RBFOX2: variants seen among roughly 807,000 people sequenced by gnomAD.
RBFOX2 encodes RNA binding fox-1 homolog 2, also known as RNA binding protein fox-1 homolog 2.
A neutral mutation model predicts 49.1 loss-of-function variants in RBFOX2; 10 were observed. The ratio of observed to expected loss-of-function variants is 0.20; its 90% CI spans 0.13 to 0.35. The LOEUF (loss-of-function observed/expected upper bound fraction) is 0.35. RBFOX2 is among the 10% of genes least tolerant of loss of function. RBFOX2 has a pLI of 1.00. For missense variants in RBFOX2, 323 were observed against 486.9 expected (o/e 0.66, Z 3.17); for synonymous variants, 183 against 187.4 (o/e 0.98, Z 0.19).
intron 1 of RBFOX2, among the ~76,000 whole-genome samples, chr22:36,014,760 G>C (rs959903885): frequency 6.6e-6 from 1 of 152,080 alleles, no homozygotes; most frequent in Non-Finnish European, 1.5e-5. Flanking sequence ...AGAAAATTGC[G>C]CATGCACACA....
exon 2 of RBFOX2, chr22:35,809,993 C>T (rs1482682814): frequency 2.5e-6 from 4 of 1,613,952 alleles, no homozygotes; most frequent in Non-Finnish European, 3.4e-6. Context: ...TTGTTGTCGG[C>T]TCCTGGTTAC....
intron 1 of RBFOX2, among the ~76,000 whole-genome samples, chr22:36,026,547 C>T (rs867866714): frequency 0.02 from 2,956 of 150,322 alleles, 92 homozygotes; most frequent in African/African-American, 0.066. Context: ...TACATACACA[C>T]ACACACACAC....
intron 4 of RBFOX2, among the ~76,000 whole-genome samples, chr22:35,772,933 T>C (rs549219136): frequency 7.9e-5 from 12 of 151,746 alleles, no homozygotes; most frequent in Non-Finnish European, 1.5e-4. Context: ...AAATTTACCA[T>C]GTAACTTTTA....
intron 8 of RBFOX2, among the ~76,000 whole-genome samples, chr22:35,760,251 A>G (rs1938308252): frequency 2.0e-5 from 3 of 152,220 alleles, no homozygotes; most frequent in Admixed American, 6.5e-5. Context: ...CTCATTCATC[A>G]CAAATCTTGA....
intron 1 of RBFOX2, among the ~76,000 whole-genome samples, chr22:35,875,006 C>T (rs2044839493): frequency 6.6e-6 from 1 of 152,174 alleles, no homozygotes; most frequent in South Asian, 2.1e-4. Flanking sequence ...GCTTGCTCCC[C>T]TCCCCACTCC....
chr22:35,742,314 C>T (rs1385439544), exon 12 of RBFOX2: 2 of 152,350 alleles, frequency 1.3e-5, no homozygotes, highest in South Asian at 2.1e-4. Context: ...AGTTACGAGG[C>T]GAGACAGGAT....
intron 1 of RBFOX2, among the ~76,000 whole-genome samples, chr22:35,967,320 A>C (rs2056619404): frequency 6.6e-6 from 1 of 151,468 alleles, no homozygotes; most frequent in Non-Finnish European, 1.5e-5. Flanking sequence ...TAATCCTAGC[A>C]CTTCAGGAGG....
upstream of RBFOX2, among the ~76,000 whole-genome samples, chr22:35,966,480 C>T (rs1241431301): frequency 1.3e-5 from 2 of 152,188 alleles, no homozygotes; most frequent in Admixed American, 1.3e-4. Flanking sequence ...AGATGCTGAA[C>T]GTCCTCACTA....
intron 1 of RBFOX2, among the ~76,000 whole-genome samples, chr22:35,913,560 G>GTA (rs372656039): frequency 0.071 from 10,399 of 147,100 alleles, 365 homozygotes; most frequent in South Asian, 0.086. Flanking sequence ...GTGTGTGTGT[G>GTA]TATATATATA....
chr22:35,980,274 ATATGAG>A (rs909891843), intron 1 of RBFOX2, among the ~76,000 whole-genome samples: 40 of 152,310 alleles, frequency 2.6e-4, no homozygotes, highest in African/African-American at 8.4e-4. Flanking sequence ...GGGGGAATCT[ATATGAG>A]TATATTTGGG....
At chr22:35,892,782 A>G (rs2047399826) in intron 1 of RBFOX2, among the ~76,000 whole-genome samples, 1 of 152,216 alleles carries the variant, frequency 6.6e-6, no homozygotes, top group Non-Finnish European at 1.5e-5. Context: ...ATGGAATTTC[A>G]GAATCAGAAG....
At chr22:36,028,179 C>T in intron 1 of RBFOX2, 61 bp downstream of exon 1, 2 of 1,395,664 alleles carry the variant, frequency 1.4e-6, no homozygotes. Context: ...AGCCGGGGAG[C>T]CCGGTGTCGA....
At chr22:35,900,634 C>A (rs1279853875) in intron 1 of RBFOX2, among the ~76,000 whole-genome samples, 1 of 149,140 alleles carries the variant, frequency 6.7e-6, no homozygotes, top group Admixed American at 6.7e-5. Flanking sequence ...GCTCTTTTTC[C>A]CTCACTTCCT....
intron 1 of RBFOX2, among the ~76,000 whole-genome samples, chr22:35,822,319 G>C (rs1280733710): frequency 1.3e-5 from 2 of 152,162 alleles, no homozygotes; most frequent in Non-Finnish European, 2.9e-5. Context: ...CTAATTGTTT[G>C]CTCTTCATTA....
chr22:35,784,717 G>GCA lies in RBFOX2; in HGVS notation c.253-2973_253-2972dup, dbSNP rs896824247. 3.3e-5 allele frequency among the ~76,000 whole-genome samples: 5 copies of GCA among 152,370 alleles called. No individual in the cohort carries two copies. The East Asian group carries it at 9.7e-4, about 29-fold the overall frequency. The stretch of plus-strand genomic sequence containing the variant: ...AGTCCTGCAGGTTCTTGTCGAACAT[G>GCA]CAGTCGATGATGCCCTTCACCATCT... On this transcript the variant is annotated intron_variant, in intron 2 of 11. Transcript: ENST00000405409.
At chr22:35,755,550 G>A (rs953358341) in intron 9 of RBFOX2, among the ~76,000 whole-genome samples, 2 of 152,068 alleles carry the variant, frequency 1.3e-5, no homozygotes, top group Non-Finnish European at 2.9e-5. Flanking sequence ...CTCTTTGCTG[G>A]CATCGGTTCC....
intron 1 of RBFOX2, among the ~76,000 whole-genome samples, chr22:35,822,506 C>G (rs1288794888): frequency 1.3e-5 from 2 of 152,182 alleles, no homozygotes. Context: ...TCCTCACGTA[C>G]TGGTAACCCA....
intron 1 of RBFOX2, among the ~76,000 whole-genome samples, chr22:35,912,754 T>G (rs1294291253): frequency 1.3e-5 from 2 of 152,148 alleles, no homozygotes; most frequent in Non-Finnish European, 2.9e-5. Context: ...AGCTGAGGCA[T>G]GAGCATGAAT....
At chr22:35,857,509 A>C (rs930527654) in intron 1 of RBFOX2, among the ~76,000 whole-genome samples, 7 of 152,228 alleles carry the variant, frequency 4.6e-5, no homozygotes, top group African/African-American at 1.7e-4. Context: ...ATACAGACAA[A>C]TCTGAAGCAT....
Sources: allele counts gnomAD v4.1 joint callset (sites outside exome capture counted in the v4.1 genomes callset), GRCh38; gene constraint gnomAD v4.1.1; transcripts MANE v1.5; gene names NCBI Gene and HGNC (gene_info 2026-07-23, HGNC 2026-07-21).